The following GPHN variants were observed in gnomAD, a reference collection of about 807,000 sequenced individuals.
GPHN encodes the protein gephyrin.
GPHN carries 17 observed loss-of-function variants against 95.5 expected under a neutral mutation model. That is an observed-to-expected ratio of 0.18 (90% CI 0.12 to 0.27). GPHN has a LOEUF of 0.27. Among genes scored for constraint, GPHN ranks in the 10% least tolerant of loss-of-function variants. The probability of loss-of-function intolerance (pLI) is 1.00; values close to 1 mark genes in which losing one functional copy is unlikely to be tolerated. For synonymous variants in GPHN, 320 were observed against 322.5 expected, an observed-to-expected ratio of 0.99 and a Z score of 0.08; for missense variants, 660 against 978.1, an observed-to-expected ratio of 0.67 and a Z score of 4.34.
chr14:66,911,780 A>G (rs1336379209), intron 5 of GPHN, among the ~76,000 whole-genome samples: 3 of 152,022 alleles, frequency 2.0e-5, no homozygotes, highest in African/African-American at 7.2e-5. Flanking sequence ...TCATCCAAAT[A>G]TGTCCTGTTT....
At chr14:67,338,388 A>T in the GPHN span, 914 of 463,008 alleles carry the variant, frequency 2.0e-3, 6 homozygotes, top group Middle Eastern at 1.1e-3. Flanking sequence ...ACGCTTCTGC[A>T]AAGTAAATTC....
the GPHN span, chr14:67,317,036 C>G: frequency 1.6e-6 from 1 of 644,712 alleles, no homozygotes. Flanking sequence ...CTGATTATCT[C>G]AGAACTGTAA....
At chr14:66,638,227 A>G (rs1459363634) in intron 1 of GPHN, among the ~76,000 whole-genome samples, 1 of 152,134 alleles carries the variant, frequency 6.6e-6, no homozygotes, top group African/African-American at 2.4e-5. Flanking sequence ...TGAGATCGGG[A>G]GTTCGAGACC....
At chr14:67,567,570 G>A in the GPHN span, among the ~76,000 whole-genome samples, 1 of 152,082 alleles carries the variant, frequency 6.6e-6, no homozygotes, top group African/African-American at 2.4e-5. Flanking sequence ...CTGCCCTGCT[G>A]CAGGGCCCTC....
chr14:66,760,580 C>A, intron 2 of GPHN: 1 of 374,248 alleles, frequency 2.7e-6, no homozygotes. Context: ...CTACCCTGGC[C>A]ACAGCATGAT....
chr14:67,006,608 T>G (rs983430313), intron 9 of GPHN, among the ~76,000 whole-genome samples: 2 of 152,136 alleles, frequency 1.3e-5, no homozygotes, highest in African/African-American at 4.8e-5. Flanking sequence ...TGTAGATTAA[T>G]GGTGAACTTC....
the GPHN span, chr14:67,695,883 T>G: frequency 9.5e-4 from 572 of 600,616 alleles, 3 homozygotes; most frequent in African/African-American, 9.6e-3. Flanking sequence ...CCGCCAACGC[T>G]GGCAGAAGTT....
chr14:67,118,727 G>T (rs990229418), intron 16 of GPHN, among the ~76,000 whole-genome samples: 4 of 150,918 alleles, frequency 2.7e-5, no homozygotes, highest in Middle Eastern at 3.2e-3. Context: ...GCGAGACTCC[G>T]TCTCAAAAAA....
At chr14:66,796,597 GT>G (rs2060166107) in intron 3 of GPHN, among the ~76,000 whole-genome samples, 1 of 151,848 alleles carries the variant, frequency 6.6e-6, no homozygotes, top group African/African-American at 2.4e-5. Flanking sequence ...TTCTCTGATG[GT>G]TAATTATGTT....
chr14:66,555,069 C>A lies in GPHN; in HGVS notation c.64+46478C>A, dbSNP rs144266380. Reference sequence around the variant, plus strand: ...CAGAATATTGGAACTAAAGTAGATTCATAATTTGCAGGATAAACAGGTCAC... The same window carrying A: ...CAGAATATTGGAACTAAAGTAGATTAATAATTTGCAGGATAAACAGGTCAC... On this transcript the variant is annotated intron_variant, in intron 1 of 22. Coordinates refer to ENST00000478722, the MANE Select transcript of GPHN (RefSeq NM_020806.5). Among the ~76,000 whole-genome samples the A allele has an allele frequency of 3.6e-3, 554 of 151,984 alleles. 12 individuals are homozygous for A. Among genetic ancestry groups the A allele is most frequent in the African/African-American group, 0.013 (528 of 41,460 alleles).
At chr14:67,228,377 C>A in the GPHN span, 1 of 496,004 alleles carries the variant, frequency 2.0e-6, no homozygotes, top group Non-Finnish European at 2.6e-6. Context: ...TAAAAATATT[C>A]TCTATTTCAG....
At chr14:66,615,738 A>G (rs987816179) in intron 1 of GPHN, among the ~76,000 whole-genome samples, 3 of 151,388 alleles carry the variant, frequency 2.0e-5, no homozygotes, top group African/African-American at 7.3e-5. Flanking sequence ...CCATTTGTCA[A>G]TTTTGATTTT....
At position 66,718,271 on chromosome 14, in the gene GPHN, G is replaced by A. The variant is rs1438672161; in HGVS notation, c.143+37086G>A. Among the ~76,000 whole-genome samples the A allele has an allele frequency of 2.6e-5, 4 of 152,230 alleles. No homozygotes were observed. In the East Asian group the frequency reaches 7.7e-4, roughly 29 times the overall value. On this transcript the variant is annotated intron_variant, in intron 2 of 22. Coordinates refer to ENST00000478722, the MANE Select transcript of GPHN (RefSeq NM_020806.5). ...ATGTGTCTGGAGTTTCTTCCTTCTG[G>A]TGGGTCTCGCTGACTTCAGGAATGA...
At chr14:67,029,644 T>C (rs2074093678) in intron 10 of GPHN, among the ~76,000 whole-genome samples, 1 of 152,208 alleles carries the variant, frequency 6.6e-6, no homozygotes, top group South Asian at 2.1e-4. Context: ...GCCTTATCAT[T>C]ATTCTTTAGC....
At chr14:66,946,755 G>C (rs1567136093) in intron 8 of GPHN, among the ~76,000 whole-genome samples, 1 of 152,132 alleles carries the variant, frequency 6.6e-6, no homozygotes, top group Non-Finnish European at 1.5e-5. Flanking sequence ...ATAACTGTTA[G>C]TATTTTCATA....
intron 5 of GPHN, 138 bp from the exon 6 acceptor site, chr14:66,915,865 T>A (rs1490406980): frequency 2.8e-6 from 2 of 703,750 alleles, no homozygotes; most frequent in Non-Finnish European, 5.2e-6. Flanking sequence ...TAGCAAGCAG[T>A]GAATGTCTTA....
At chr14:67,515,397 A>G in the GPHN span, 1 of 177,666 alleles carries the variant, frequency 5.6e-6, no homozygotes, top group Non-Finnish European at 1.1e-5. Flanking sequence ...GCCCGGGAGG[A>G]AAGGAGCCCC....
intron 2 of GPHN, among the ~76,000 whole-genome samples, chr14:66,742,785 G>T (rs1194452667): frequency 6.6e-6 from 1 of 151,870 alleles, no homozygotes. Flanking sequence ...TTTTTGAGAC[G>T]GAGTCTCGCT....
chr14:66,686,541 GCTCT>G (rs770947989), intron 2 of GPHN, among the ~76,000 whole-genome samples: 6 of 152,088 alleles, frequency 3.9e-5, no homozygotes, highest in African/African-American at 1.4e-4. Flanking sequence ...TCATGATTTG[GCTCT>G]CTATTTGTCT....
Sources: allele counts gnomAD v4.1 joint callset (sites outside exome capture counted in the v4.1 genomes callset), GRCh38; gene constraint gnomAD v4.1.1; transcripts MANE v1.5; gene names NCBI Gene and HGNC (gene_info 2026-07-23, HGNC 2026-07-21).